BRI3: variants seen among roughly 807,000 people sequenced by gnomAD.
BRI3 encodes membrane protein BRI3.
BRI3 carries 6 observed loss-of-function variants against 12.8 expected under a neutral mutation model. That is an observed-to-expected ratio of 0.47 (90% CI 0.26 to 0.93). BRI3 has a LOEUF of 0.93. Ranked by LOEUF, BRI3 falls within the 40% of genes least tolerant of loss-of-function variation. The pLI is 0.15. For synonymous variants in BRI3, 91 were observed against 76.1 expected (o/e 1.20, Z -1.02); for missense variants, 134 against 171.1 (o/e 0.78, Z 1.21).
chr7:98,282,551 G>A (rs1231496582), intron 2 of BRI3, 98 bp downstream of exon 2: 6 of 973,808 alleles, frequency 6.2e-6, no homozygotes, highest in South Asian at 2.9e-5. Context: ...GAGTGGGTCC[G>A]GCTTGACTTG....
At chr7:98,294,250 C>T, downstream of BRI3, 1 of 823,434 alleles carries the variant, frequency 1.2e-6, no homozygotes, top group Non-Finnish European at 1.9e-6. Context: ...ACCTTGGCCT[C>T]CTAATGTGCT....
chr7:98,307,868 T>G, exon 2 of BRI3: 1 of 1,614,232 alleles, frequency 6.2e-7, no homozygotes, highest in African/African-American at 1.3e-5. Context: ...CCGAAACTGA[T>G]CGCTGTAAAC....
At chr7:98,287,033 C>T (rs145207243) in intron 2 of BRI3, among the ~76,000 whole-genome samples, 1 of 152,350 alleles carries the variant, frequency 6.6e-6, no homozygotes, top group Admixed American at 6.5e-5. Flanking sequence ...GGCCAGCCCT[C>T]GGGCCTTCGA....
chr7:98,316,938 A>G, the BRI3 span, among the ~76,000 whole-genome samples: 2 of 150,446 alleles, frequency 1.3e-5, no homozygotes, highest in Admixed American at 1.3e-4. Flanking sequence ...ATCTCGGCTC[A>G]CTGCAACCTC....
rs949915577 is a variant in BRI3, at chr7:98,291,525, G to T, written c.*282G>T. 1.7e-6 allele frequency: 2 copies of T among 1,208,096 alleles called. No homozygotes were observed. Among genetic ancestry groups the T allele is most frequent in the African/African-American group, 3.1e-5 (2 of 63,634 alleles). The allele number at this position is 1,208,096 out of a possible 1,614,324, so 74.8% of individuals were successfully genotyped here. On this transcript the variant is annotated 3_prime_UTR_variant, in exon 3 of 3. Transcript: ENST00000297290. ...TTCAATAAATGAGATTCATACCATT[G>T]TTGACCTGGTGCTGCTTACTCGGTG...
downstream of BRI3, chr7:98,312,303 TTGTC>T: frequency 1.9e-6 from 3 of 1,564,994 alleles, no homozygotes; most frequent in Non-Finnish European, 2.6e-6. Context: ...ACAAAGAAGA[TTGTC>T]TGAAGAGCTG....
rs1211569348 is a variant in BRI3, at chr7:98,291,256, G to A, written c.*13G>A. On this transcript the variant is annotated 3_prime_UTR_variant, in exon 3 of 3. Coordinates refer to ENST00000297290, the MANE Select transcript of BRI3 (RefSeq NM_015379.5). ...CACCTTCGCTTAAAGGGAACACCAG[G>A]CCCGGCTTTCCTACACCCAGCTCTC... The A allele has an allele frequency of 6.2e-7, 1 of 1,612,490 alleles. No homozygotes were observed. The highest frequency in any genetic ancestry group is 2.2e-5 in the East Asian group (1 of 44,882).
downstream of BRI3, chr7:98,291,832 CAA>C (rs1012964185): frequency 5.9e-5 from 9 of 153,020 alleles, no homozygotes; most frequent in African/African-American, 2.2e-4. Flanking sequence ...CACCCCGTAA[CAA>C]AACCAGAAAC....
chr7:98,317,918 C>G, the BRI3 span, among the ~76,000 whole-genome samples: 1 of 147,944 alleles, frequency 6.8e-6, no homozygotes, highest in South Asian at 2.1e-4. Context: ...CCTCACCCCA[C>G]AGTTCACATC....
At chr7:98,311,028 G>A (rs1800849914), downstream of BRI3, among the ~76,000 whole-genome samples, 1 of 152,056 alleles carries the variant, frequency 6.6e-6, no homozygotes, top group Non-Finnish European at 1.5e-5. Flanking sequence ...GTGGATCCAT[G>A]TGTTCAAAGT....
chr7:98,313,882 G>A (rs1800972626), downstream of BRI3, among the ~76,000 whole-genome samples: 1 of 150,876 alleles, frequency 6.6e-6, no homozygotes. Context: ...CTCCTGCCTT[G>A]GGCTCCCAAA....
At chr7:98,321,724 C>T in the BRI3 span, among the ~76,000 whole-genome samples, 3 of 152,252 alleles carry the variant, frequency 2.0e-5, no homozygotes, top group South Asian at 2.1e-4. Context: ...CTGGAACCAC[C>T]GTTACCACCA....
chr7:98,313,144 ACCCC>A (rs1800935088), downstream of BRI3, among the ~76,000 whole-genome samples: 1 of 131,254 alleles, frequency 7.6e-6, no homozygotes, highest in Non-Finnish European at 1.6e-5. Context: ...CCCAACTGTC[ACCCC>A]ACCCCCAACT....
At chr7:98,288,930 A>G (rs1023447651) in intron 2 of BRI3, among the ~76,000 whole-genome samples, 7 of 151,932 alleles carry the variant, frequency 4.6e-5, no homozygotes, top group African/African-American at 9.7e-5. Context: ...TGAGTAGGCT[A>G]GAGGGAGGCA....
Position 98,281,782 on chromosome 7 carries a change from G to C in BRI3, c.-14G>C. On this transcript the variant is annotated 5_prime_UTR_variant, in exon 1 of 3. Transcript: ENST00000297290. ...GCCGAGCCGGGCCGGAGCGGCGGGC[G>C]CGGCCGGGCCGCCATGGACCACAAG... is the stretch of plus-strand genomic sequence containing the variant. 9.0e-7 allele frequency: 1 copy of C among 1,117,210 alleles called. No homozygotes were observed. Among genetic ancestry groups the C allele is most frequent in the Non-Finnish European group, 1.1e-6 (1 of 914,976 alleles). The allele number at this position is 1,117,210 out of a possible 1,614,324, so 69.2% of individuals were successfully genotyped here. A position where few individuals can be genotyped will look rare whatever the true frequency, so the allele number is the denominator to read the frequency against.
rs755682093 is a variant in BRI3, at chr7:98,310,435, A to G, written n.3065A>G. On this transcript the variant is annotated non_coding_transcript_exon_variant, in exon 2 of 2. Coordinates refer to the BRI3 transcript ENST00000485422. ...AGGTATCTTCAAATAAATCAGACTG[A>G]ATCTCTTACCTGTTGAATTATTTAC... The G allele has an allele frequency of 6.3e-6, 10 of 1,577,340 alleles. No individual in the cohort carries two copies. In the South Asian group the frequency reaches 1.1e-4, roughly 17 times the overall value.
At chr7:98,306,581 C>T (rs997374248) in exon 1 of BRI3, 2 of 1,611,928 alleles carry the variant, frequency 1.2e-6, no homozygotes, top group African/African-American at 2.7e-5. Context: ...CCTCCCTGAA[C>T]AACCTGGTGA....
In BRI3 at chr7:98,282,417, A is replaced by T. The variant is rs1260334543; in HGVS notation, c.209A>T (p.Asn70Ile). 1 of 1,613,772 alleles carries T rather than the reference A, an allele frequency of 6.2e-7. No individual in the cohort carries two copies. Residue 70 changes from asparagine to isoleucine, a missense_variant, in exon 2 of 3, where the codon AAC becomes ATC. Physicochemically the swap from Asn to Ile is moderately radical, Grantham distance 149 (BLOSUM62 -3). Transcript: ENST00000297290. Reference sequence around the variant, plus strand: ...CGGACCGTCACCCGCTATCCTGCCAACTCTATCGTGGTCGTAGGAGGCTGT... The same window carrying T: ...CGGACCGTCACCCGCTATCCTGCCATCTCTATCGTGGTCGTAGGAGGCTGT... ...HSRTVTRYPA[N>I]SIVVVGGCPV...
exon 2 of BRI3, chr7:98,308,018 A>T (rs1800726610): frequency 1.1e-6 from 1 of 938,882 alleles, no homozygotes; most frequent in Non-Finnish European, 1.7e-6. Flanking sequence ...CTTCCACGGA[A>T]ACTGACCCTG....
Sources: gnomAD v4.1 joint callset for allele counts (sites outside exome capture counted in the v4.1 genomes callset) on GRCh38, gnomAD v4.1.1 for gene constraint, MANE v1.5 for transcripts, NCBI Gene and HGNC (gene_info 2026-07-23, HGNC 2026-07-21) for gene names.